Variants in ADK observed in about 807,000 individuals in gnomAD.
ADK encodes the protein adenosine kinase, also known as N6,N6-dimethyladenosine kinase.
A neutral mutation model predicts 44.7 loss-of-function variants in ADK; 24 were observed. The observed-to-expected ratio is 0.54, with a 90% CI of 0.39 to 0.76. The LOEUF (loss-of-function observed/expected upper bound fraction) is 0.76, where lower values mean the gene tolerates loss of function less well. Among genes scored for constraint, ADK ranks in the 30% least tolerant of loss-of-function variants. The pLI is 0.00. For missense variants in ADK, 321 were observed against 425.1 expected, an observed-to-expected ratio of 0.76 and a Z score of 2.15; for synonymous variants, 128 against 142.6, an observed-to-expected ratio of 0.90 and a Z score of 0.73.
At chr10:74,517,089 C>T (rs1848617248) in intron 6 of ADK, among the ~76,000 whole-genome samples, 1 of 152,026 alleles carries the variant, frequency 6.6e-6, no homozygotes, top group African/African-American at 2.4e-5. Context: ...ACCAGTCTCT[C>T]CCACAACACG....
chr10:74,407,879 A>G (rs549474609), intron 6 of ADK, among the ~76,000 whole-genome samples: 5 of 152,318 alleles, frequency 3.3e-5, no homozygotes, highest in South Asian at 4.1e-4. Flanking sequence ...AGATGGGAAT[A>G]TAAATCTGCT....
chr10:74,191,761 G>A (rs147913607), intron 1 of ADK, among the ~76,000 whole-genome samples: 135 of 152,254 alleles, frequency 8.9e-4, no homozygotes, highest in Non-Finnish European at 1.4e-3. Context: ...AACTATAGAC[G>A]TTATTAGAAT....
At position 74,151,237 on chromosome 10, in the gene ADK, C is replaced by T; in HGVS notation, c.-42C>T. ...GGGGGCGGGACCAGAGAGTGGATGGCAGAGGTGGGCTGTAGAGCCAAAGTG... is the reference window on the plus strand; with the variant it reads ...GGGGGCGGGACCAGAGAGTGGATGGTAGAGGTGGGCTGTAGAGCCAAAGTG... On this transcript the variant is annotated 5_prime_UTR_variant, in exon 1 of 11. Coordinates refer to ENST00000539909, the MANE Select transcript of ADK (RefSeq NM_006721.4). 1.9e-6 allele frequency: 3 copies of T among 1,547,410 alleles called. No individual in the cohort carries two copies. The highest frequency in any genetic ancestry group is 1.2e-5 in the South Asian group (1 of 83,904).
intron 9 of ADK, among the ~76,000 whole-genome samples, chr10:74,664,345 T>C (rs1854869065): frequency 2.0e-5 from 3 of 152,136 alleles, no homozygotes; most frequent in African/African-American, 4.8e-5. Context: ...GTTTATTGTA[T>C]ATGCATAGAA....
intron 9 of ADK, among the ~76,000 whole-genome samples, chr10:74,642,868 C>T (rs1419928713): frequency 7.4e-6 from 1 of 136,038 alleles, no homozygotes; most frequent in Non-Finnish European, 1.5e-5. Context: ...GGGTCTCACT[C>T]AGTCACTATC....
chr10:74,258,129 G>A (rs1479673247), intron 3 of ADK, among the ~76,000 whole-genome samples: 1 of 152,170 alleles, frequency 6.6e-6, no homozygotes, highest in Non-Finnish European at 1.5e-5. Flanking sequence ...CCTTTTTAAA[G>A]GAGTTATGAG....
At chr10:74,546,409 G>T (rs2133754701) in intron 7 of ADK, among the ~76,000 whole-genome samples, 1 of 152,018 alleles carries the variant, frequency 6.6e-6, no homozygotes, top group South Asian at 2.1e-4. Context: ...GTTTTTTTTA[G>T]TTGCTCTTAC....
At chr10:74,394,353 A>G (rs1843438759) in intron 5 of ADK, 40 bp downstream of exon 5, 4 of 1,581,056 alleles carry the variant, frequency 2.5e-6, no homozygotes, top group African/African-American at 1.3e-5. Flanking sequence ...CTAATTGGCT[A>G]TTTTAACACT....
At chr10:74,466,566 G>A (rs937946403) in intron 6 of ADK, among the ~76,000 whole-genome samples, 11 of 152,088 alleles carry the variant, frequency 7.2e-5, no homozygotes, top group Non-Finnish European at 1.6e-4. Context: ...TTACTCTGGC[G>A]TTTTACTAGT....
intron 6 of ADK, among the ~76,000 whole-genome samples, chr10:74,410,109 T>C (rs1381034815): frequency 6.6e-6 from 1 of 152,168 alleles, no homozygotes; most frequent in Non-Finnish European, 1.5e-5. Context: ...AATTAACAAG[T>C]TAGAATGAAT....
chr10:74,635,590 T>A (rs1279589151), intron 9 of ADK, among the ~76,000 whole-genome samples: 1 of 152,130 alleles, frequency 6.6e-6, no homozygotes, highest in African/African-American at 2.4e-5. Context: ...CTCATGATTC[T>A]CCAGTCAAGG....
chr10:74,181,829 G>A (rs562174980), intron 1 of ADK, among the ~76,000 whole-genome samples: 2 of 152,258 alleles, frequency 1.3e-5, no homozygotes, highest in East Asian at 3.9e-4. Context: ...TTACAGCTTG[G>A]GTTTGCGCCA....
intron 1 of ADK, among the ~76,000 whole-genome samples, chr10:74,176,159 A>G (rs925179706): frequency 6.6e-6 from 1 of 152,192 alleles, no homozygotes; most frequent in Admixed American, 6.5e-5. Context: ...ACATAAAGTG[A>G]CACTTTCCAT....
chr10:74,162,521 TTGTGTGTGTGTGTGTGTGTGTGTGTG>T (rs10550667), intron 1 of ADK, among the ~76,000 whole-genome samples: 67 of 141,982 alleles, frequency 4.7e-4, no homozygotes, highest in Non-Finnish European at 8.8e-4. Context: ...TGCATTTCTT[TTGTGTGTGTGTGTGTGTGTGTGTGTG>T]TGTGTGTGTG....
At chr10:74,516,239 C>G (rs890510792) in intron 6 of ADK, among the ~76,000 whole-genome samples, 1 of 152,118 alleles carries the variant, frequency 6.6e-6, no homozygotes, top group African/African-American at 2.4e-5. Flanking sequence ...ACTTTTTTCC[C>G]TGCAATAGCA....
At chr10:74,183,867 T>A (rs10824099) in intron 1 of ADK, among the ~76,000 whole-genome samples, 17,546 of 152,096 alleles carry the variant, frequency 0.12, 1,054 homozygotes, top group Middle Eastern at 0.2. Flanking sequence ...ACATTTTTAT[T>A]TTTTACTTTT....
At chr10:74,391,696 C>T (rs983832472) in intron 4 of ADK, among the ~76,000 whole-genome samples, 3 of 150,256 alleles carry the variant, frequency 2.0e-5, no homozygotes, top group African/African-American at 2.5e-5. Flanking sequence ...CACACACACA[C>T]ATTCTCTTTT....
At chr10:74,283,747 C>T (rs1847043943) in intron 3 of ADK, among the ~76,000 whole-genome samples, 1 of 144,864 alleles carries the variant, frequency 6.9e-6, no homozygotes, top group African/African-American at 2.6e-5. Flanking sequence ...GTGGCGCCAT[C>T]TCTGCTCACT....
intron 4 of ADK, among the ~76,000 whole-genome samples, chr10:74,384,968 A>G (rs1843094437): frequency 1.3e-5 from 2 of 152,198 alleles, no homozygotes; most frequent in African/African-American, 4.8e-5. Flanking sequence ...GGAGAAAAAC[A>G]GAACTAAAGG....
Sources: gnomAD v4.1 joint callset for allele counts (sites outside exome capture counted in the v4.1 genomes callset) on GRCh38, gnomAD v4.1.1 for gene constraint, MANE v1.5 for transcripts, NCBI Gene and HGNC (gene_info 2026-07-23, HGNC 2026-07-21) for gene names.